ZMIZ1: variants seen among roughly 807,000 people sequenced by gnomAD.
ZMIZ1 encodes the protein zinc finger MIZ domain-containing protein 1.
ZMIZ1 carries 17 observed loss-of-function variants against 113.9 expected under a neutral mutation model. The ratio of observed to expected loss-of-function variants is 0.15; its 90% confidence interval spans 0.10 to 0.22. The LOEUF (loss-of-function observed/expected upper bound fraction) is 0.22, where lower values mean the gene tolerates loss of function less well. Ranked by LOEUF, ZMIZ1 falls within the 10% of genes least tolerant of loss-of-function variation. ZMIZ1 has a pLI of 1.00. For missense variants in ZMIZ1, 1,059 were observed against 1,477.8 expected (o/e 0.72, Z 4.65); for synonymous variants, 607 against 603.1 (o/e 1.01, Z -0.09).
At chr10:79,195,725 C>A (rs1390874467) in intron 4 of ZMIZ1, among the ~76,000 whole-genome samples, 2 of 152,194 alleles carry the variant, frequency 1.3e-5, no homozygotes, top group Admixed American at 6.5e-5. Context: ...ACAAGAAGGT[C>A]ATCTCCTGGG....
At chr10:79,241,208 G>A (rs921888004) in intron 7 of ZMIZ1, among the ~76,000 whole-genome samples, 3 of 152,148 alleles carry the variant, frequency 2.0e-5, no homozygotes, top group South Asian at 4.1e-4. Context: ...CTTGGAACAC[G>A]TGAGCCATAT....
At chr10:79,109,368 C>T (rs1012425307) in intron 1 of ZMIZ1, among the ~76,000 whole-genome samples, 4 of 152,274 alleles carry the variant, frequency 2.6e-5, no homozygotes, top group Admixed American at 6.5e-5. Context: ...GCAACACACA[C>T]CCGGTGCCCA....
chr10:79,184,298 C>T (rs976805150), intron 4 of ZMIZ1, among the ~76,000 whole-genome samples: 3 of 152,192 alleles, frequency 2.0e-5, no homozygotes, highest in Admixed American at 6.5e-5. Context: ...ACCCCTCTCC[C>T]GATGTGCACA....
intron 7 of ZMIZ1, among the ~76,000 whole-genome samples, chr10:79,245,102 T>G: frequency 6.6e-6 from 1 of 152,212 alleles, no homozygotes; most frequent in East Asian, 1.9e-4. Context: ...GATGCTTTGG[T>G]GAGAATCTAG....
chr10:79,130,391 G>A (rs1358485960), intron 2 of ZMIZ1, among the ~76,000 whole-genome samples: 1 of 152,204 alleles, frequency 6.6e-6, no homozygotes, highest in Non-Finnish European at 1.5e-5. Context: ...GCCCAGCGCT[G>A]TCCAGTCAAC....
chr10:79,093,292 TA>T (rs1313224359), intron 1 of ZMIZ1, among the ~76,000 whole-genome samples: 400 of 4,380 alleles, frequency 0.091, 1 homozygote, highest in East Asian at 0.32. Flanking sequence ...AGTTTTATTT[TA>T]TTTATTTATT....
At chr10:79,241,959 G>A (rs922842629) in intron 7 of ZMIZ1, among the ~76,000 whole-genome samples, 2 of 152,078 alleles carry the variant, frequency 1.3e-5, no homozygotes, top group African/African-American at 4.8e-5. Context: ...TGAATGATGG[G>A]GACTCACTTA....
intron 7 of ZMIZ1, among the ~76,000 whole-genome samples, chr10:79,233,560 T>C (rs1849477427): frequency 1.3e-5 from 2 of 152,172 alleles, no homozygotes. Flanking sequence ...ACCATCTCAA[T>C]GGATTAGATT....
chr10:79,311,608 T>C (rs568037887), intron 24 of ZMIZ1, among the ~76,000 whole-genome samples: 25 of 152,122 alleles, frequency 1.6e-4, no homozygotes, highest in African/African-American at 5.3e-4. Flanking sequence ...CCAGTTTTCT[T>C]GTCCGCGTGT....
intron 4 of ZMIZ1, among the ~76,000 whole-genome samples, chr10:79,190,504 A>G (rs1015939214): frequency 2.0e-5 from 3 of 152,096 alleles, no homozygotes; most frequent in African/African-American, 7.2e-5. Flanking sequence ...TCCATCTACC[A>G]CTTTTAGCTC....
intron 6 of ZMIZ1, among the ~76,000 whole-genome samples, chr10:79,213,845 A>G (rs1848617722): frequency 6.6e-6 from 1 of 152,176 alleles, no homozygotes; most frequent in Non-Finnish European, 1.5e-5. Context: ...TCTGTAAATC[A>G]GAGATAATAA....
chr10:79,275,491 C>T (rs1451062980), intron 7 of ZMIZ1, among the ~76,000 whole-genome samples: 1 of 152,224 alleles, frequency 6.6e-6, no homozygotes, highest in African/African-American at 2.4e-5. Flanking sequence ...GGCGACTTCT[C>T]GGGGCTTTGG....
chr10:79,208,521 T>G, intron 6 of ZMIZ1, 72 bp downstream of exon 6: 1 of 1,320,868 alleles, frequency 7.6e-7, no homozygotes, highest in Non-Finnish European at 1.1e-6. Context: ...CCTGTCCAGG[T>G]TTCAGAGAGG....
intron 7 of ZMIZ1, among the ~76,000 whole-genome samples, chr10:79,271,109 C>T (rs530739629): frequency 6.6e-6 from 1 of 152,192 alleles, no homozygotes; most frequent in South Asian, 2.1e-4. Flanking sequence ...GGAAGGGGCC[C>T]TGTGCAACAT....
intron 7 of ZMIZ1, among the ~76,000 whole-genome samples, chr10:79,244,704 C>T (rs1850085992): frequency 6.6e-6 from 1 of 152,202 alleles, no homozygotes. Flanking sequence ...GTGTGCTTCT[C>T]ATTGGCCCAT....
intron 14 of ZMIZ1, 50 bp downstream of exon 14, chr10:79,297,740 T>G: frequency 1.3e-6 from 2 of 1,531,658 alleles, no homozygotes; most frequent in Non-Finnish European, 1.8e-6. Context: ...AGTTGTTGCC[T>G]CTAAAGGTTC....
At chr10:79,297,570 C>T (rs1443834813) in intron 13 of ZMIZ1, 43 bp from the exon 14 acceptor site, 4 of 1,576,816 alleles carry the variant, frequency 2.5e-6, no homozygotes, top group Non-Finnish European at 3.5e-6. Context: ...CTTCTGATGG[C>T]TTTTCTGCCC....
intron 7 of ZMIZ1, among the ~76,000 whole-genome samples, chr10:79,253,875 T>C (rs1457726939): frequency 6.6e-6 from 1 of 152,068 alleles, no homozygotes. Context: ...CACAGGTACA[T>C]GCACACACAC....
At chr10:79,193,821 G>T (rs1182393479) in intron 4 of ZMIZ1, among the ~76,000 whole-genome samples, 3 of 152,212 alleles carry the variant, frequency 2.0e-5, no homozygotes, top group African/African-American at 7.2e-5. Context: ...GATCTTCAGA[G>T]CACAGTCCGG....
Sources: gnomAD v4.1 joint callset for allele counts (sites outside exome capture counted in the v4.1 genomes callset) on GRCh38, gnomAD v4.1.1 for gene constraint, MANE v1.5 for transcripts, NCBI Gene and HGNC (gene_info 2026-07-23, HGNC 2026-07-21) for gene names.